The following PTPRM variants were observed in gnomAD, a reference collection of about 807,000 sequenced individuals.
PTPRM encodes receptor-type tyrosine-protein phosphatase mu.
PTPRM carries 47 observed loss-of-function variants against 186.7 expected under a neutral mutation model. The ratio of observed to expected loss-of-function variants is 0.25; its 90% confidence interval spans 0.20 to 0.32. PTPRM has a LOEUF of 0.32. Ranked by LOEUF, PTPRM falls within the 10% of genes least tolerant of loss-of-function variation. PTPRM has a pLI of 1.00. For synonymous variants in PTPRM, 668 were observed against 674.9 expected, an observed-to-expected ratio of 0.99 and a Z score of 0.16; for missense variants, 1,494 against 1,865.0, an observed-to-expected ratio of 0.80 and a Z score of 3.66.
chr18:8,120,951 C>A (rs1290140604), intron 13 of PTPRM, among the ~76,000 whole-genome samples: 1 of 152,072 alleles, frequency 6.6e-6, no homozygotes, highest in African/African-American at 2.4e-5. Flanking sequence ...GGAATTGGTA[C>A]CAACTTTGTA....
At chr18:7,844,277 T>C (rs2046485241) in intron 2 of PTPRM, among the ~76,000 whole-genome samples, 2 of 152,214 alleles carry the variant, frequency 1.3e-5, no homozygotes, top group Admixed American at 1.3e-4. Flanking sequence ...GCTTCCTACA[T>C]GTAAAATACA....
At chr18:8,097,121 A>G (rs1030954659) in intron 11 of PTPRM, among the ~76,000 whole-genome samples, 2 of 152,196 alleles carry the variant, frequency 1.3e-5, no homozygotes, top group Admixed American at 6.5e-5. Flanking sequence ...CAATGTAACT[A>G]TTTATTATAA....
chr18:7,682,831 G>A (rs1169343454), intron 1 of PTPRM, among the ~76,000 whole-genome samples: 1 of 152,128 alleles, frequency 6.6e-6, no homozygotes, highest in African/African-American at 2.4e-5. Flanking sequence ...TCTCTGTCTT[G>A]GGCATTGGGG....
chr18:8,008,691 G>A (rs886893831), intron 7 of PTPRM, among the ~76,000 whole-genome samples: 2 of 152,074 alleles, frequency 1.3e-5, no homozygotes, highest in Non-Finnish European at 2.9e-5. Flanking sequence ...CTTTTTGGAG[G>A]CTTGCTTAAA....
At chr18:7,695,607 T>C (rs1399585050) in intron 1 of PTPRM, among the ~76,000 whole-genome samples, 1 of 152,246 alleles carries the variant, frequency 6.6e-6, no homozygotes, top group Admixed American at 6.5e-5. Context: ...GTTTTTGACA[T>C]AGAGTTGTTT....
In PTPRM at chr18:8,384,654, A is replaced by T; in HGVS notation, c.4012A>T (p.Ser1338Cys). 6.2e-7 allele frequency: 1 copy of T among 1,614,216 alleles called. No homozygotes were observed. Among genetic ancestry groups the T allele is most frequent in the Non-Finnish European group, 8.5e-7 (1 of 1,180,030 alleles). ...VSADLEEDII[S>C]RIFRIYNAAR... ...TGCTGACCTGGAAGAGGACATCATC[A>T]GCAGGATATTCCGCATTTACAATGC... Residue 1338 changes from serine to cysteine, a missense_variant, in exon 30 of 33, where the codon AGC (serine) becomes TGC (cysteine). By Grantham distance (112) the Ser-to-Cys change is moderately radical. Around this residue, in one of 3 missense-constraint regions of PTPRM, gnomAD observed 1,107 missense variants for 1,350.2 expected, o/e 0.82. Transcript: ENST00000580170.
intron 5 of PTPRM, among the ~76,000 whole-genome samples, chr18:7,945,354 T>G (rs1183596257): frequency 6.6e-6 from 1 of 151,036 alleles, no homozygotes; most frequent in Non-Finnish European, 1.5e-5. Context: ...GTCCCAGCTA[T>G]TTGGGAGGCA....
intron 1 of PTPRM, among the ~76,000 whole-genome samples, chr18:7,681,467 A>G (rs1409215470): frequency 6.6e-6 from 1 of 152,030 alleles, no homozygotes; most frequent in Non-Finnish European, 1.5e-5. Flanking sequence ...GGGCTGTTAC[A>G]CGGGCCATCA....
intron 29 of PTPRM, among the ~76,000 whole-genome samples, chr18:8,384,003 A>T (rs527670992): frequency 9.5e-4 from 145 of 152,348 alleles, no homozygotes; most frequent in African/African-American, 2.9e-3. Context: ...AGAATTACTC[A>T]TGGCTTAAAA....
chr18:7,613,672 C>CA (rs78083328), intron 1 of PTPRM, among the ~76,000 whole-genome samples: 7,523 of 129,410 alleles, frequency 0.058, 226 homozygotes, highest in South Asian at 0.16. Flanking sequence ...GACTCCGTCT[C>CA]AAAAAAAAAA....
At chr18:7,680,552 T>G (rs991368048) in intron 1 of PTPRM, among the ~76,000 whole-genome samples, 2 of 152,282 alleles carry the variant, frequency 1.3e-5, no homozygotes, top group East Asian at 1.9e-4. Context: ...CGGGTAGACG[T>G]AGGAAAACCG....
In PTPRM at chr18:8,176,251, AG is replaced by A. The variant is rs2093479845; in HGVS notation, c.2300+32473del. ...AGAGTACAGTTAGACATAATATCGAAGTTATTTTTGGAAACAAGCTAACAAA... is the reference window on the plus strand; with the variant it reads ...AGAGTACAGTTAGACATAATATCGAATTATTTTTGGAAACAAGCTAACAAA... On this transcript the variant is annotated intron_variant, in intron 14 of 32. Transcript: ENST00000580170. Among the ~76,000 whole-genome samples the A allele has an allele frequency of 2.0e-5, 3 of 152,164 alleles. No individual in the cohort carries two copies. The South Asian group carries it at 6.2e-4, about 32-fold the overall frequency.
At chr18:8,376,696 T>C (rs2095697643) in intron 26 of PTPRM, 99 bp downstream of exon 26, 4 of 1,372,674 alleles carry the variant, frequency 2.9e-6, no homozygotes, top group Non-Finnish European at 3.9e-6. Flanking sequence ...CAGGCAATTA[T>C]CTGTTCAAGT....
chr18:8,031,744 GA>G (rs1212841000), intron 7 of PTPRM, among the ~76,000 whole-genome samples: 4 of 152,152 alleles, frequency 2.6e-5, no homozygotes, highest in African/African-American at 7.2e-5. Context: ...TGCTGTAATA[GA>G]GTGCTGTGAT....
chr18:7,843,878 G>C (rs560438306), intron 2 of PTPRM, among the ~76,000 whole-genome samples: 51 of 152,252 alleles, frequency 3.3e-4, no homozygotes, highest in African/African-American at 1.2e-3. Flanking sequence ...TCATCTGAAG[G>C]CTTGTTCACT....
intron 19 of PTPRM, among the ~76,000 whole-genome samples, chr18:8,269,018 A>C (rs535991062): frequency 5.3e-5 from 8 of 152,066 alleles, no homozygotes; most frequent in African/African-American, 1.7e-4. Flanking sequence ...AAAGGTGCCC[A>C]CTCTCACCAG....
At chr18:8,379,141 T>C in intron 27 of PTPRM, 26 bp from the exon 28 acceptor site, 1 of 1,555,670 alleles carries the variant, frequency 6.4e-7, no homozygotes, top group Non-Finnish European at 8.7e-7. Context: ...CTTCTTGTCC[T>C]CATGTTCCTT....
chr18:7,851,769 G>A (rs1163202285), intron 2 of PTPRM, among the ~76,000 whole-genome samples: 31 of 152,142 alleles, frequency 2.0e-4, no homozygotes, highest in Admixed American at 2.0e-3. Flanking sequence ...AGGAGCGGTG[G>A]CAAGGAGTAT....
At chr18:7,945,774 G>A (rs1174315187) in intron 5 of PTPRM, among the ~76,000 whole-genome samples, 1 of 151,962 alleles carries the variant, frequency 6.6e-6, no homozygotes, top group Admixed American at 6.6e-5. Context: ...TCTCTTATAT[G>A]ATATAGTGTG....
Sources: gnomAD v4.1 joint callset for allele counts (sites outside exome capture counted in the v4.1 genomes callset) on GRCh38, gnomAD v4.1.1 for gene constraint, gnomAD v4.1.1 regional missense constraint, MANE v1.5 for transcripts, NCBI Gene and HGNC (gene_info 2026-07-23, HGNC 2026-07-21) for gene names.